Variants in ERC2 observed in about 807,000 individuals in gnomAD.
The protein encoded by ERC2 is ERC protein 2.
Under a neutral mutation model 114.8 loss-of-function variants are expected in ERC2, and 42 were observed. That is an observed-to-expected ratio of 0.37 (90% CI 0.29 to 0.47). The LOEUF is 0.47. ERC2 is among the 20% of genes least tolerant of loss of function. The pLI, the probability that ERC2 is intolerant of heterozygous loss-of-function variation, is 0.99. For synonymous variants in ERC2, 454 were observed against 425.5 expected (o/e 1.07, Z -0.82); for missense variants, 939 against 1,150.7 (o/e 0.82, Z 2.66).
At chr3:55,810,151 C>G (rs1372076919) in intron 14 of ERC2, among the ~76,000 whole-genome samples, 3 of 152,130 alleles carry the variant, frequency 2.0e-5, no homozygotes, top group African/African-American at 7.2e-5. Flanking sequence ...CTGACATGTG[C>G]AAATATCCCT....
chr3:56,355,794 G>A (rs2058726373), intron 2 of ERC2, among the ~76,000 whole-genome samples: 1 of 152,126 alleles, frequency 6.6e-6, no homozygotes. Flanking sequence ...CAAAAAACAA[G>A]TCCATTGAAT....
At chr3:55,981,085 G>A (rs957747442) in intron 12 of ERC2, among the ~76,000 whole-genome samples, 3 of 152,224 alleles carry the variant, frequency 2.0e-5, no homozygotes, top group African/African-American at 2.4e-5. Context: ...GGCTAGGATC[G>A]GAAAGGTGTA....
At chr3:56,173,675 C>T in intron 3 of ERC2, 155 bp from the exon 4 acceptor site, 1 of 609,708 alleles carries the variant, frequency 1.6e-6, no homozygotes, top group African/African-American at 1.9e-5. Flanking sequence ...CTTTAGCATC[C>T]CTCCTGCCTG....
intron 6 of ERC2, among the ~76,000 whole-genome samples, chr3:56,120,689 C>T (rs752669484): frequency 6.6e-6 from 1 of 152,158 alleles, no homozygotes; most frequent in Non-Finnish European, 1.5e-5. Flanking sequence ...GATATAGTAT[C>T]CTGTGATGCA....
At chr3:56,270,277 A>G (rs1005708658) in intron 3 of ERC2, among the ~76,000 whole-genome samples, 10 of 152,252 alleles carry the variant, frequency 6.6e-5, no homozygotes, top group African/African-American at 2.2e-4. Flanking sequence ...AGATCTTCCA[A>G]TACAAAATGA....
At chr3:56,238,091 T>C (rs976323201) in intron 3 of ERC2, among the ~76,000 whole-genome samples, 6 of 152,212 alleles carry the variant, frequency 3.9e-5, no homozygotes, top group Admixed American at 2.6e-4. Context: ...AGAGGGCACA[T>C]GACAAACCCC....
At chr3:56,277,302 T>C (rs1353143033) in intron 3 of ERC2, among the ~76,000 whole-genome samples, 13 of 152,138 alleles carry the variant, frequency 8.5e-5, no homozygotes, top group East Asian at 1.9e-4. Flanking sequence ...CCTCCTCACT[T>C]GCAGGGACAG....
At chr3:55,770,497 C>T (rs1253985616) in intron 14 of ERC2, among the ~76,000 whole-genome samples, 2 of 152,104 alleles carry the variant, frequency 1.3e-5, no homozygotes, top group Non-Finnish European at 1.5e-5. Flanking sequence ...GAGTGAGTGC[C>T]CCCTTCCCCC....
At chr3:55,752,856 T>C (rs545298191) in intron 14 of ERC2, among the ~76,000 whole-genome samples, 28 of 152,302 alleles carry the variant, frequency 1.8e-4, no homozygotes, top group African/African-American at 6.7e-4. Context: ...AAAAAACAGA[T>C]TCACTTTGAA....
chr3:55,893,712 A>G (rs1166727070), intron 13 of ERC2, among the ~76,000 whole-genome samples: 2 of 151,276 alleles, frequency 1.3e-5, no homozygotes, highest in Admixed American at 6.6e-5. Flanking sequence ...TTCATCACCA[A>G]CTCCTAGAGC....
rs746862604 is a variant in ERC2 at position 56,296,427 on chromosome 3, C to T, written c.666G>A (p.Gln222=). The change falls in exon 3 of 18, where the codon CAG becomes CAA. Residue 222 remains glutamine, a synonymous_variant. Transcript: ENST00000288221. The part of the protein sequence containing the change: ...RVSHEENQHL[Q]LTIQALQDEL... Reference sequence around the variant, plus strand: ...CATCTTGAAGGGCCTGGATTGTCAACTGTAGGTGCTGCAATGAGAAAGATG... The same window carrying T: ...CATCTTGAAGGGCCTGGATTGTCAATTGTAGGTGCTGCAATGAGAAAGATG... 1 of 1,608,848 alleles carries T rather than the reference C, an allele frequency of 6.2e-7. No homozygotes were observed. The highest frequency in any genetic ancestry group is 1.1e-5 in the South Asian group (1 of 90,704).
chr3:56,256,231 C>T (rs2052508949), intron 3 of ERC2, among the ~76,000 whole-genome samples: 1 of 152,190 alleles, frequency 6.6e-6, no homozygotes, highest in African/African-American at 2.4e-5. Flanking sequence ...ACAACCAGTA[C>T]TTACCATGAA....
chr3:55,653,409 C>T (rs2060722403), intron 17 of ERC2, among the ~76,000 whole-genome samples: 1 of 152,172 alleles, frequency 6.6e-6, no homozygotes, highest in African/African-American at 2.4e-5. Context: ...TCTGAGAAGT[C>T]ACCTCAAAAA....
intron 14 of ERC2, among the ~76,000 whole-genome samples, chr3:55,765,805 C>A (rs1403873853): frequency 2.6e-5 from 4 of 152,174 alleles, no homozygotes; most frequent in African/African-American, 9.7e-5. Flanking sequence ...CTATTCCCTG[C>A]CTGCTCAGGT....
Position 56,051,649 on chromosome 3 carries a change from T to C in ERC2, c.1641+29168A>G, listed in dbSNP as rs573403835. ...CCATCAACACCATACACTGGGCAGC[T>C]ACCCCATCTCTACTTAAAATACAAA... On this transcript the variant is annotated intron_variant, in intron 7 of 17. Coordinates refer to ENST00000288221, the MANE Select transcript of ERC2 (RefSeq NM_015576.3). 2.6e-5 allele frequency among the ~76,000 whole-genome samples: 4 copies of C among 152,148 alleles called. No homozygotes were observed. In the East Asian group the frequency reaches 7.7e-4, roughly 29 times the overall value.
rs533267480 is a variant in ERC2 at position 56,422,880 on chromosome 3, A to C, written c.657+11471T>G. Among the ~76,000 whole-genome samples the C allele has an allele frequency of 2.0e-5, 3 of 152,318 alleles. No homozygotes were observed. In the South Asian group the frequency reaches 6.2e-4, roughly 32 times the overall value. ...GCTCACACATGGAAAGAAACTAGCA[A>C]ATTCTTGGCACATAGAAGGTGCTCA... is the stretch of plus-strand genomic sequence containing the variant. On this transcript the variant is annotated intron_variant, in intron 2 of 17. Coordinates refer to ENST00000288221, the MANE Select transcript of ERC2 (RefSeq NM_015576.3).
intron 7 of ERC2, among the ~76,000 whole-genome samples, chr3:56,074,500 ACCTT>A (rs2076884818): frequency 6.6e-6 from 1 of 152,204 alleles, no homozygotes; most frequent in Non-Finnish European, 1.5e-5. Context: ...ATAAAATATC[ACCTT>A]CCTAACAATC....
At chr3:55,924,663 C>A (rs1489346746) in intron 13 of ERC2, among the ~76,000 whole-genome samples, 1 of 151,920 alleles carries the variant, frequency 6.6e-6, no homozygotes, top group Non-Finnish European at 1.5e-5. Flanking sequence ...AATCCAAGAG[C>A]ACAGAAATGC....
Position 55,579,947 on chromosome 3 carries a change from A to T in ERC2, c.*40-68671T>A, listed in dbSNP as rs139639803. ...CCTGCTTCAAGTATCTACACATTCC[A>T]TGCTAAGCTGCAATGCTTAATTTAA... On this transcript the variant is annotated intron_variant, in intron 17 of 17. Coordinates refer to ENST00000288221, the MANE Select transcript of ERC2 (RefSeq NM_015576.3). Among the ~76,000 whole-genome samples the T allele has an allele frequency of 1.8e-3, 269 of 152,354 alleles. 5 individuals carry two copies. In the East Asian group the frequency reaches 0.041, roughly 23 times the overall value.
Sources: allele counts gnomAD v4.1 joint callset (sites outside exome capture counted in the v4.1 genomes callset), GRCh38; gene constraint gnomAD v4.1.1; transcripts MANE v1.5; gene names NCBI Gene and HGNC (gene_info 2026-07-23, HGNC 2026-07-21).